USP50: variants seen among roughly 807,000 people sequenced by gnomAD.
USP50 encodes ubiquitin specific peptidase 50.
In USP50, 37 loss-of-function variants were observed where a neutral mutation model predicts 39.2. The ratio of observed to expected loss-of-function variants is 0.94; its 90% CI spans 0.73 to 1.24. The LOEUF (loss-of-function observed/expected upper bound fraction) is 1.24, where lower values mean the gene tolerates loss of function less well. Ranked by LOEUF, USP50 falls within the 50% of genes most tolerant of loss-of-function variation. The probability of loss-of-function intolerance (pLI) is 0.00; values close to 1 mark genes in which losing one functional copy is unlikely to be tolerated. For synonymous variants in USP50, 139 were observed against 144.5 expected (o/e 0.96, Z 0.27); for missense variants, 374 against 398.2 (o/e 0.94, Z 0.52).
chr15:50,523,381 C>T (rs996684288), intron 6 of USP50, among the ~76,000 whole-genome samples: 1 of 151,374 alleles, frequency 6.6e-6, no homozygotes, highest in African/African-American at 2.4e-5. Context: ...CTATGTTGTC[C>T]GGGCTGGTCT....
At chr15:50,529,666 G>A in intron 6 of USP50, 131 bp downstream of exon 6, 10 of 957,328 alleles carry the variant, frequency 1.0e-5, no homozygotes, top group Non-Finnish European at 1.5e-5. Flanking sequence ...TCAAAGTGGA[G>A]AGTTTCCTGG....
chr15:50,498,965 A>G (rs750845525), downstream of USP50: 36 of 1,613,854 alleles, frequency 2.2e-5, no homozygotes, highest in Middle Eastern at 3.3e-4. Flanking sequence ...CAGCAAGACA[A>G]CGGTGGTTTA....
intron 5 of USP50, among the ~76,000 whole-genome samples, chr15:50,538,273 CAAAAAAAAAAAAAAAAA>C (rs766139797): frequency 5.8e-5 from 1 of 17,304 alleles, no homozygotes; most frequent in East Asian, 2.1e-3. Flanking sequence ...GAGACTGTCT[CAAAAAAAAAAAAAAAAA>C]AAAAAAAAAA....
At position 50,524,788 on chromosome 15, in the gene USP50, C is replaced by T. The variant is rs146365061; in HGVS notation, c.936+5009G>A. Among the ~76,000 whole-genome samples, 278 of 152,236 alleles carry T rather than the reference C, an allele frequency of 1.8e-3. 1 individual carries two copies. Among genetic ancestry groups the T allele is most frequent in the African/African-American group, 6.1e-3 (254 of 41,548 alleles). On this transcript the variant is annotated intron_variant, in intron 6 of 6. Transcript: ENST00000532404. ...ACTTGGGAGGCTGAAGTGGGAGGAA[C>T]GCTTGAGCCTGGGAGTTCAAGGCTG...
chr15:50,498,291 T>C (rs891345048), downstream of USP50: 1 of 223,810 alleles, frequency 4.5e-6, no homozygotes, highest in African/African-American at 2.3e-5. Flanking sequence ...ATTATAAACA[T>C]GTGGGTCTTA....
intron 6 of USP50, among the ~76,000 whole-genome samples, chr15:50,523,933 G>A (rs1398498262): frequency 1.3e-5 from 2 of 152,144 alleles, no homozygotes; most frequent in African/African-American, 2.4e-5. Context: ...CATAAAAACC[G>A]AACTGTAGAC....
Position 50,544,581 on chromosome 15 carries a change from T to C in USP50, c.248+6A>G, listed in dbSNP as rs764116340. 2 of 1,610,822 alleles carry C rather than the reference T, an allele frequency of 1.2e-6. No homozygotes were observed. The highest frequency in any genetic ancestry group is 8.5e-7 in the Non-Finnish European group (1 of 1,178,288). On this transcript the variant is annotated splice_donor_region_variant and intron_variant, in intron 2 of 6. Coordinates refer to ENST00000532404, the MANE Select transcript of USP50 (RefSeq NM_203494.5). ...GCTGGGCTGCAGGGAATGCAAATGGTCTTACTTTTGCAGAGCGGTGATATA... is the reference window on the plus strand; with the variant it reads ...GCTGGGCTGCAGGGAATGCAAATGGCCTTACTTTTGCAGAGCGGTGATATA...
At chr15:50,496,873 C>T (rs978212279), downstream of USP50, 2 of 455,192 alleles carry the variant, frequency 4.4e-6, no homozygotes, top group Non-Finnish European at 7.4e-6. Flanking sequence ...TGTCCTGTCA[C>T]AACACACTGT....
chr15:50,544,183 A>G (rs1566913082), intron 2 of USP50, among the ~76,000 whole-genome samples: 1 of 151,980 alleles, frequency 6.6e-6, no homozygotes, highest in African/African-American at 2.4e-5. Flanking sequence ...TCTACTAAAA[A>G]TACAAAAAAT....
intron 3 of USP50, 84 bp from the exon 4 acceptor site, chr15:50,541,348 C>CA (rs1001745705): frequency 4.7e-4 from 525 of 1,119,036 alleles, no homozygotes; most frequent in African/African-American, 5.5e-4. Flanking sequence ...CCCATCTCTA[C>CA]AAAAAAAACA....
chr15:50,539,754 T>C (rs1413615907), intron 4 of USP50, among the ~76,000 whole-genome samples: 3 of 152,212 alleles, frequency 2.0e-5, no homozygotes, highest in Non-Finnish European at 4.4e-5. Context: ...AGCTGCTTTA[T>C]GCTATTCATC....
chr15:50,515,541 C>T (rs2052795435), intron 6 of USP50, among the ~76,000 whole-genome samples: 1 of 151,836 alleles, frequency 6.6e-6, no homozygotes, highest in Admixed American at 6.6e-5. Flanking sequence ...CACACCCAGA[C>T]TATGAGGCTT....
At chr15:50,544,821 A>C (rs543705961) in intron 1 of USP50, 40 bp from the exon 2 acceptor site, 2 of 1,570,316 alleles carry the variant, frequency 1.3e-6, no homozygotes, top group Middle Eastern at 1.7e-4. Context: ...TTTTGAGAGA[A>C]CAAAATATGT....
chr15:50,528,974 A>G (rs12593931), intron 6 of USP50, among the ~76,000 whole-genome samples: 22,035 of 152,166 alleles, frequency 0.14, 2,106 homozygotes, highest in East Asian at 0.35. Context: ...GTGATCCAGA[A>G]CAGAAACCCA....
At chr15:50,495,429 G>A (rs2052353437) in intron 1 of USP50, among the ~76,000 whole-genome samples, 1 of 150,880 alleles carries the variant, frequency 6.6e-6, no homozygotes, top group Non-Finnish European at 1.5e-5. Context: ...GCTATATGTG[G>A]GATATCTTTT....
intron 5 of USP50, among the ~76,000 whole-genome samples, chr15:50,533,483 A>T (rs2052957744): frequency 6.6e-6 from 1 of 152,156 alleles, no homozygotes; most frequent in African/African-American, 2.4e-5. Context: ...GGGGGAAAAA[A>T]ACACACCTAT....
chr15:50,517,797 C>A (rs866615292), intron 6 of USP50, among the ~76,000 whole-genome samples: 14 of 152,138 alleles, frequency 9.2e-5, no homozygotes, highest in South Asian at 4.1e-4. Context: ...TGGCTCACTG[C>A]AGCCTCAACC....
intron 6 of USP50, among the ~76,000 whole-genome samples, chr15:50,528,290 T>C (rs1166447541): frequency 6.6e-6 from 1 of 151,368 alleles, no homozygotes; most frequent in Non-Finnish European, 1.5e-5. Context: ...CTTTTTTTTT[T>C]TTAAGAGATG....
At position 50,544,790 on chromosome 15, in the gene USP50, G is replaced by T. The variant is rs765449493; in HGVS notation, c.54-9C>A. Reference sequence around the variant, plus strand: ...AATCTGTGCACTCTGCACTGTGTTGGTGCCACATGGGAAGAAAGGGTTTTG... The same window carrying T: ...AATCTGTGCACTCTGCACTGTGTTGTTGCCACATGGGAAGAAAGGGTTTTG... On this transcript the variant is annotated splice_polypyrimidine_tract_variant and intron_variant, in intron 1 of 6. Transcript: ENST00000532404. 1.2e-6 allele frequency: 2 copies of T among 1,609,344 alleles called. No individual in the cohort carries two copies. The highest frequency in any genetic ancestry group is 1.7e-6 in the Non-Finnish European group (2 of 1,176,950).
Sources: gnomAD v4.1 joint callset for allele counts (sites outside exome capture counted in the v4.1 genomes callset) on GRCh38, gnomAD v4.1.1 for gene constraint, MANE v1.5 for transcripts, NCBI Gene and HGNC (gene_info 2026-07-23, HGNC 2026-07-21) for gene names.